The following PTBP3 variants were observed in gnomAD, a reference collection of about 807,000 sequenced individuals.
PTBP3 encodes polypyrimidine tract binding protein 3.
A neutral mutation model predicts 58.7 loss-of-function variants in PTBP3; 20 were observed. The observed-to-expected ratio is 0.34, with a 90% confidence interval of 0.24 to 0.50. PTBP3 has a LOEUF of 0.50. Ranked by LOEUF, PTBP3 falls within the 20% of genes least tolerant of loss-of-function variation. The probability of loss-of-function intolerance (pLI) is 0.98; values close to 1 mark genes in which losing one functional copy is unlikely to be tolerated. For missense variants in PTBP3, 509 were observed against 637.2 expected, an observed-to-expected ratio of 0.80 and a Z score of 2.17; for synonymous variants, 185 against 219.8, an observed-to-expected ratio of 0.84 and a Z score of 1.40.
At chr9:112,302,310 G>GA (rs1828970754) in intron 1 of PTBP3, among the ~76,000 whole-genome samples, 1 of 152,092 alleles carries the variant, frequency 6.6e-6, no homozygotes, top group Admixed American at 6.5e-5. Flanking sequence ...AAATTGACGA[G>GA]AAAAAAGAAT....
chr9:112,333,568 A>G lies in PTBP3; in HGVS notation c.-150T>C. On this transcript the variant is annotated 5_prime_UTR_variant, in exon 1 of 14. Coordinates refer to ENST00000374257, the MANE Select transcript of PTBP3 (RefSeq NM_001163788.4). ...GCGGCAGCAGGGCGGTTCCGGGGAC[A>G]AGCGAGCTTTGGCTCTGCGGAGCCC... 3 of 1,484,860 alleles carry G rather than the reference A, an allele frequency of 2.0e-6. No individual in the cohort carries two copies. The highest frequency in any genetic ancestry group is 2.8e-6 in the Non-Finnish European group (3 of 1,084,316). 92.0% of individuals were successfully genotyped at this position (1,484,860 alleles called of 1,614,324 possible). A position where few individuals can be genotyped will look rare whatever the true frequency, so the allele number is the denominator to read the frequency against.
chr9:112,275,243 C>A, intron 3 of PTBP3, among the ~76,000 whole-genome samples: 1 of 151,916 alleles, frequency 6.6e-6, no homozygotes, highest in Middle Eastern at 3.2e-3. Flanking sequence ...TCAAGCGATT[C>A]TCCTGCCTCA....
At chr9:112,371,385 G>A in the PTBP3 span, among the ~76,000 whole-genome samples, 1 of 152,114 alleles carries the variant, frequency 6.6e-6, no homozygotes, top group African/African-American at 2.4e-5. Flanking sequence ...CTCAATACTG[G>A]ATTGCTCCTA....
At chr9:112,374,405 G>C in the PTBP3 span, among the ~76,000 whole-genome samples, 2 of 152,172 alleles carry the variant, frequency 1.3e-5, no homozygotes, top group Non-Finnish European at 2.9e-5. Flanking sequence ...ACGGTAAGTA[G>C]TGCCACTTCC....
rs1834852356 is a variant in PTBP3, at chr9:112,222,862, CA to C, written c.*988del. On this transcript the variant is annotated 3_prime_UTR_variant, in exon 14 of 14. Transcript: ENST00000374257. ...GTAAGTATTAGAGATTATAGTGGTA[CA>C]AAAAACCCTTGAGATTAATTTTTTT... 1 of 893,120 alleles carries C rather than the reference CA, an allele frequency of 1.1e-6. No homozygotes were observed. The highest frequency in any genetic ancestry group is 1.3e-6 in the Non-Finnish European group (1 of 745,886). The allele number at this position is 893,120 out of a possible 1,614,324, so 55.3% of individuals were successfully genotyped here.
chr9:112,370,579 G>T, the PTBP3 span, among the ~76,000 whole-genome samples: 1,598 of 152,142 alleles, frequency 0.011, 67 homozygotes, highest in East Asian at 0.082. Flanking sequence ...TCCTCCAATT[G>T]TGTTGTTCTT....
chr9:112,252,310 T>C (rs1836157575), intron 6 of PTBP3: 1 of 250,496 alleles, frequency 4.0e-6, no homozygotes, highest in Non-Finnish European at 7.7e-6. Flanking sequence ...TCTCAGAAGT[T>C]AAGCAGGGTC....
At chr9:112,272,064 C>T (rs947507556) in intron 3 of PTBP3, among the ~76,000 whole-genome samples, 1 of 151,472 alleles carries the variant, frequency 6.6e-6, no homozygotes, top group Non-Finnish European at 1.5e-5. Flanking sequence ...CCCCATCTCA[C>T]TCTTTTTATT....
At chr9:112,349,775 A>T in the PTBP3 span, among the ~76,000 whole-genome samples, 69,024 of 148,972 alleles carry the variant, frequency 0.46, 16,133 homozygotes, top group African/African-American at 0.52. Context: ...GAGGCACGAG[A>T]ATCGCTTGAA....
At chr9:112,350,552 T>C in the PTBP3 span, among the ~76,000 whole-genome samples, 1 of 152,128 alleles carries the variant, frequency 6.6e-6, no homozygotes, top group African/African-American at 2.4e-5. Context: ...AATATTTTAA[T>C]AAAAATCATT....
chr9:112,338,547 A>C (rs1830594361), upstream of PTBP3, among the ~76,000 whole-genome samples: 1 of 152,224 alleles, frequency 6.6e-6, no homozygotes, highest in Non-Finnish European at 1.5e-5. Context: ...TTTGTTCAAT[A>C]ATTAAACAAT....
At chr9:112,241,232 T>C (rs1184020064) in intron 7 of PTBP3, among the ~76,000 whole-genome samples, 1 of 152,088 alleles carries the variant, frequency 6.6e-6, no homozygotes, top group East Asian at 1.9e-4. Context: ...GCCTCCCAAG[T>C]AGCTGGGATT....
the PTBP3 span, among the ~76,000 whole-genome samples, chr9:112,379,496 G>C: frequency 2.2e-5 from 3 of 134,502 alleles, no homozygotes; most frequent in Admixed American, 8.7e-5. Context: ...CTTTTGCAGA[G>C]AGCTCTGTTC....
the PTBP3 span, among the ~76,000 whole-genome samples, chr9:112,363,996 T>C: frequency 6.6e-6 from 1 of 152,092 alleles, no homozygotes; most frequent in South Asian, 2.1e-4. Flanking sequence ...TGCCTATTGA[T>C]CCCTCCCTCC....
chr9:112,221,476 C>T lies in PTBP3; in HGVS notation c.*2375G>A, dbSNP rs1834804304. ...GAATTAATAAATTACACAGTAATTCCTAACTTAAAGTAAATGAAATAATCC... is the reference window on the plus strand; with the variant it reads ...GAATTAATAAATTACACAGTAATTCTTAACTTAAAGTAAATGAAATAATCC... On this transcript the variant is annotated 3_prime_UTR_variant, in exon 14 of 14. Coordinates refer to ENST00000374257, the MANE Select transcript of PTBP3 (RefSeq NM_001163788.4). 11 of 984,768 alleles carry T rather than the reference C, an allele frequency of 1.1e-5. No individual in the cohort carries two copies. The highest frequency in any genetic ancestry group is 1.3e-5 in the Non-Finnish European group (11 of 829,000). 61.0% of individuals were successfully genotyped at this position (984,768 alleles called of 1,614,324 possible).
the PTBP3 span, among the ~76,000 whole-genome samples, chr9:112,377,825 G>A: frequency 6.6e-6 from 1 of 152,140 alleles, no homozygotes; most frequent in African/African-American, 2.4e-5. Flanking sequence ...CTTTACACCA[G>A]AAATCTGAAG....
the PTBP3 span, among the ~76,000 whole-genome samples, chr9:112,349,863 CAAAAAAAAAAAAAAA>C: frequency 8.0e-5 from 4 of 49,692 alleles, no homozygotes; most frequent in African/African-American, 2.7e-4. Context: ...GACTCTGTCT[CAAAAAAAAAAAAAAA>C]AAAAAAAAAA....
At chr9:112,250,312 T>C (rs1031458516) in intron 7 of PTBP3, among the ~76,000 whole-genome samples, 2 of 152,096 alleles carry the variant, frequency 1.3e-5, no homozygotes, top group African/African-American at 4.8e-5. Context: ...TAATAAGATA[T>C]TCAAACTGGG....
rs188146852 is a variant in PTBP3, at chr9:112,257,162, A to G, written c.517-4374T>C. Among the ~76,000 whole-genome samples the G allele has an allele frequency of 2.3e-3, 343 of 152,302 alleles. 1 individual carries two copies. Among genetic ancestry groups the G allele is most frequent in the South Asian group, 4.8e-3 (23 of 4,824 alleles). ...GGTTTTTATCTGAATGTGCTAAGAG[A>G]ATAGAACTTGCCTGAATGGGCTAAC... On this transcript the variant is annotated intron_variant, in intron 5 of 13. Coordinates refer to ENST00000374257, the MANE Select transcript of PTBP3 (RefSeq NM_001163788.4).
Sources: allele counts gnomAD v4.1 joint callset (sites outside exome capture counted in the v4.1 genomes callset), GRCh38; gene constraint gnomAD v4.1.1; transcripts MANE v1.5; gene names NCBI Gene and HGNC (gene_info 2026-07-23, HGNC 2026-07-21).